Variants in NHSL2 observed in about 807,000 individuals in gnomAD.
NHSL2 encodes the protein NHS like 2.
NHSL2 carries 27 observed loss-of-function variants against 53.4 expected under a neutral mutation model. The observed-to-expected ratio is 0.51, with a 90% CI of 0.37 to 0.70. NHSL2 has a LOEUF of 0.70. Ranked by LOEUF, NHSL2 falls within the 30% of genes least tolerant of loss-of-function variation. The pLI is 0.00. For synonymous variants in NHSL2, 408 were observed against 404.1 expected (o/e 1.01, Z -0.12); for missense variants, 892 against 980.1 (o/e 0.91, Z 1.20).
intron 1 of NHSL2, among the ~76,000 whole-genome samples, chrX:72,021,861 T>C (rs186443672): frequency 5.4e-3 from 609 of 111,897 alleles, no homozygotes; most frequent in Non-Finnish European, 9.8e-3. Flanking sequence ...ATGGTGCCCC[T>C]GCCTCAGCTC....
intron 1 of NHSL2, among the ~76,000 whole-genome samples, chrX:71,911,678 C>T (rs2041603726): frequency 8.9e-6 from 1 of 112,473 alleles, no homozygotes; most frequent in Non-Finnish European, 1.9e-5. Flanking sequence ...TCCAGGACGG[C>T]TTGGGCGATA....
At chrX:72,085,827 C>CTGAAGGAATGTG in intron 1 of NHSL2, among the ~76,000 whole-genome samples, 1 of 108,255 alleles carries the variant, frequency 9.2e-6, no homozygotes, top group African/African-American at 3.4e-5. Context: ...CTACTCCCTC[C>CTGAAGGAATGTG]CTACCACCCG....
At chrX:72,046,021 G>A (rs1194350989) in intron 1 of NHSL2, among the ~76,000 whole-genome samples, 1 of 111,740 alleles carries the variant, frequency 8.9e-6, no homozygotes, top group Non-Finnish European at 1.9e-5. Context: ...CTCATTCAGG[G>A]AGACAGTATC....
At position 71,930,206 on chromosome X, in the gene NHSL2, G is replaced by A. The variant is rs1209332636; in HGVS notation, c.280+18839G>A. ...ACCTCTCTTACCTCACCTCCCACCC[G>A]TTTCACCGGGTCTACTTCAGCTGTG... On this transcript the variant is annotated intron_variant, in intron 1 of 7. Transcript: ENST00000633930. Among the ~76,000 whole-genome samples the A allele has an allele frequency of 3.6e-5, 4 of 111,403 alleles. No homozygotes were observed. In the South Asian group the frequency reaches 1.1e-3, roughly 32 times the overall value.
Position 72,138,735 on chromosome X carries a change from C to G in NHSL2, c.1187C>G (p.Ala396Gly), listed in dbSNP as rs778115993. 7.4e-6 allele frequency: 9 copies of G among 1,208,923 alleles called. No individual in the cohort carries two copies. In the South Asian group the frequency reaches 1.6e-4, roughly 21 times the overall value. Residue 396 changes from alanine to glycine, a missense_variant, in exon 6 of 8, where the codon GCT becomes GGT. Ala to Gly is a moderately conservative substitution (Grantham distance 60, BLOSUM62 0). Coordinates refer to ENST00000633930, the MANE Select transcript of NHSL2 (RefSeq NM_001013627.3). ...TTCTCCACTTCCTGGAAGGGAGATG[C>G]TTTTACCTACATGACTCCAAGTGCC... ...STFSTSWKGD[A>G]FTYMTPSATS...
At chrX:72,066,718 G>A (rs1178833379) in intron 1 of NHSL2, among the ~76,000 whole-genome samples, 1 of 112,245 alleles carries the variant, frequency 8.9e-6, no homozygotes, top group African/African-American at 3.2e-5. Flanking sequence ...AGCCAGTATG[G>A]ACCTTGGCTA....
At chrX:72,137,981 C>G (rs2042374049) in intron 5 of NHSL2, among the ~76,000 whole-genome samples, 1 of 111,276 alleles carries the variant, frequency 9.0e-6, no homozygotes, top group South Asian at 3.8e-4. Context: ...GTGATGGGTG[C>G]GAACAATGCA....
At chrX:71,987,004 CTT>C (rs2042005651) in intron 1 of NHSL2, among the ~76,000 whole-genome samples, 1 of 111,850 alleles carries the variant, frequency 8.9e-6, no homozygotes, top group Admixed American at 9.5e-5. Context: ...TTTTTATAAT[CTT>C]TTACCAAAAA....
At chrX:72,046,280 G>A (rs2042305216) in intron 1 of NHSL2, among the ~76,000 whole-genome samples, 1 of 111,715 alleles carries the variant, frequency 9.0e-6, no homozygotes. Context: ...GTACTAAATG[G>A]CACTAGACTC....
intron 1 of NHSL2, chrX:72,131,198 C>T: frequency 8.4e-7 from 1 of 1,195,722 alleles, no homozygotes. Flanking sequence ...GCGGGCCCGT[C>T]GGGGGTGCTG....
rs2041598317 is a variant in NHSL2, at chrX:71,911,046, G to A, written c.-42G>A. 6.2e-6 allele frequency: 6 copies of A among 963,895 alleles called. No homozygotes were observed. The highest frequency in any genetic ancestry group is 1.3e-6 in the Non-Finnish European group (1 of 769,733). 79.4% of individuals were successfully genotyped at this position (963,895 alleles called of 1,213,427 possible). A position where few individuals can be genotyped will look rare whatever the true frequency, so the allele number is the denominator to read the frequency against. ...GGGCGCTGCTCGGGGTGAGCCCGCC[G>A]CGCCGCCAGACTGGTCCCCTGCGCC... On this transcript the variant is annotated 5_prime_UTR_variant, in exon 1 of 8. Coordinates refer to ENST00000633930, the MANE Select transcript of NHSL2 (RefSeq NM_001013627.3).
At chrX:72,097,024 T>C (rs1224680701) in intron 1 of NHSL2, among the ~76,000 whole-genome samples, 2 of 112,502 alleles carry the variant, frequency 1.8e-5, no homozygotes, top group African/African-American at 6.5e-5. Context: ...ACAAATCTCT[T>C]CCTAGCCCTC....
intron 4 of NHSL2, 70 bp from the exon 5 acceptor site, chrX:72,137,024 C>T: frequency 1.0e-6 from 1 of 998,590 alleles, no homozygotes; most frequent in East Asian, 3.5e-5. Context: ...ATTCTCTTCT[C>T]TCAGGCCAAT....
intron 1 of NHSL2, among the ~76,000 whole-genome samples, chrX:72,081,000 C>A (rs1396301009): frequency 1.8e-5 from 2 of 112,113 alleles, no homozygotes; most frequent in Non-Finnish European, 3.8e-5. Context: ...GCCACAGTGA[C>A]ATGCCCTTGA....
At chrX:72,074,893 G>A (rs760413997) in intron 1 of NHSL2, among the ~76,000 whole-genome samples, 2 of 112,410 alleles carry the variant, frequency 1.8e-5, no homozygotes, top group African/African-American at 6.5e-5. Flanking sequence ...TGGGTGGCAG[G>A]CTTGGTGGAT....
At chrX:71,983,926 C>T (rs185665441) in intron 1 of NHSL2, among the ~76,000 whole-genome samples, 4 of 111,290 alleles carry the variant, frequency 3.6e-5, no homozygotes, top group East Asian at 5.7e-4. Context: ...GGCTTTATGA[C>T]CTGTATCTTG....
chrX:71,948,825 G>A (rs1226078772), intron 1 of NHSL2, among the ~76,000 whole-genome samples: 2 of 36,323 alleles, frequency 5.5e-5, no homozygotes, highest in African/African-American at 4.6e-5. Flanking sequence ...GCAAGACTCT[G>A]TCAAAAAAAA....
At chrX:72,123,750 C>T (rs1458456841) in intron 1 of NHSL2, among the ~76,000 whole-genome samples, 1 of 111,715 alleles carries the variant, frequency 9.0e-6, no homozygotes, top group Non-Finnish European at 1.9e-5. Flanking sequence ...TCCCTTTTAG[C>T]CTCTTTCTCA....
At chrX:72,085,704 G>GT (rs796666989) in intron 1 of NHSL2, among the ~76,000 whole-genome samples, 7,531 of 82,521 alleles carry the variant, frequency 0.091, 393 homozygotes, top group African/African-American at 0.18. Flanking sequence ...GAAATTCTTT[G>GT]TTTTTTTTTT....
Sources: gnomAD v4.1 joint callset for allele counts (sites outside exome capture counted in the v4.1 genomes callset) on GRCh38, gnomAD v4.1.1 for gene constraint, MANE v1.5 for transcripts, NCBI Gene and HGNC (gene_info 2026-07-23, HGNC 2026-07-21) for gene names.